SPNS3: variants seen among roughly 807,000 people sequenced by gnomAD.
SPNS3 encodes the protein SPNS lysolipid transporter 3, sphingosine-1-phosphate (putative), also known as protein spinster homolog 3.
In SPNS3, 51 loss-of-function variants were observed where a neutral mutation model predicts 54.4. The observed-to-expected ratio is 0.94, with a 90% CI of 0.75 to 1.18. The LOEUF is 1.18. Among genes scored for constraint, SPNS3 ranks in the 50% most tolerant of loss-of-function variants. The pLI, the probability that SPNS3 is intolerant of heterozygous loss-of-function variation, is 0.00. For missense variants in SPNS3, 669 were observed against 677.4 expected (o/e 0.99, Z 0.14); for synonymous variants, 309 against 294.7 (o/e 1.05, Z -0.50).
intron 7 of SPNS3, among the ~76,000 whole-genome samples, chr17:4,451,760 C>T (rs944554558): frequency 6.6e-5 from 10 of 151,448 alleles, no homozygotes; most frequent in East Asian, 2.0e-4. Flanking sequence ...CTCCACCTCC[C>T]GGATTCAAGT....
intron 8 of SPNS3, among the ~76,000 whole-genome samples, chr17:4,476,825 A>G (rs1477488373): frequency 6.6e-6 from 1 of 152,152 alleles, no homozygotes. Context: ...AGGAGAGCGC[A>G]TGGCTGCTGG....
chr17:4,473,382 C>T (rs918391837), intron 8 of SPNS3, among the ~76,000 whole-genome samples: 3 of 149,488 alleles, frequency 2.0e-5, no homozygotes, highest in Admixed American at 6.7e-5. Flanking sequence ...GAGGACACTG[C>T]TCTTCCCAGT....
intron 9 of SPNS3, 79 bp downstream of exon 9, chr17:4,478,716 A>T: frequency 2.1e-6 from 3 of 1,417,436 alleles, no homozygotes; most frequent in Non-Finnish European, 2.9e-6. Context: ...GCAGCTGGGC[A>T]CTGGCGGCGA....
At chr17:4,460,813 T>C (rs1189879312) in intron 8 of SPNS3, among the ~76,000 whole-genome samples, 6 of 152,174 alleles carry the variant, frequency 3.9e-5, no homozygotes, top group Non-Finnish European at 7.3e-5. Context: ...GATATTGGTC[T>C]GCAGTTTTCT....
intron 8 of SPNS3, among the ~76,000 whole-genome samples, chr17:4,458,573 CTTTCTTCCTTCCCTCCTTTCTTTCTTT>C: frequency 8.8e-6 from 1 of 113,412 alleles, no homozygotes; most frequent in African/African-American, 2.9e-5. Flanking sequence ...TCCCTCCTTT[CTTTCTTCCTTCCCTCCTTTCTTTCTTT>C]CTTTCTTTCT....
intron 9 of SPNS3, among the ~76,000 whole-genome samples, chr17:4,485,627 C>T (rs528883030): frequency 6.6e-6 from 1 of 152,298 alleles, no homozygotes; most frequent in East Asian, 1.9e-4. Context: ...ACCTCCTGAC[C>T]TCGGGTGATC....
At chr17:4,444,998 G>T (rs756442899) in intron 2 of SPNS3, 34 bp from the exon 3 acceptor site, 1 of 1,601,992 alleles carries the variant, frequency 6.2e-7, no homozygotes, top group Admixed American at 1.7e-5. Context: ...ACGGTCGTGG[G>T]GGGATCCAGG....
At chr17:4,468,545 T>G (rs1971747066) in intron 8 of SPNS3, among the ~76,000 whole-genome samples, 2 of 145,124 alleles carry the variant, frequency 1.4e-5, no homozygotes, top group Non-Finnish European at 1.5e-5. Context: ...TAGAAGCATA[T>G]GGAGTTGCCA....
At chr17:4,441,084 AG>A (rs1470989668) in intron 2 of SPNS3, among the ~76,000 whole-genome samples, 1 of 152,232 alleles carries the variant, frequency 6.6e-6, no homozygotes, top group Non-Finnish European at 1.5e-5. Flanking sequence ...TGTAGCTCCA[AG>A]AGTTTGGATG....
chr17:4,468,759 TTCTCTC>T (rs1342496703), intron 8 of SPNS3, among the ~76,000 whole-genome samples: 1 of 143,684 alleles, frequency 7.0e-6, no homozygotes, highest in African/African-American at 2.8e-5. Flanking sequence ...CTTTCTTTCT[TTCTCTC>T]TTTCTTTTTC....
intron 8 of SPNS3, among the ~76,000 whole-genome samples, chr17:4,456,405 C>T (rs896709660): frequency 6.6e-6 from 1 of 152,254 alleles, no homozygotes; most frequent in Non-Finnish European, 1.5e-5. Context: ...TTGTTCTCAG[C>T]CTTGGGTCTC....
chr17:4,441,797 G>T (rs1407167485), intron 2 of SPNS3, among the ~76,000 whole-genome samples: 5 of 135,186 alleles, frequency 3.7e-5, no homozygotes, highest in African/African-American at 1.4e-4. Context: ...GTGGGGGTGT[G>T]TTGGGGGGGG....
chr17:4,479,781 G>A (rs1224843113), intron 9 of SPNS3, among the ~76,000 whole-genome samples: 1 of 152,220 alleles, frequency 6.6e-6, no homozygotes, highest in Non-Finnish European at 1.5e-5. Context: ...TGGGCTGTGT[G>A]GCCTTAGGCA....
chr17:4,447,064 T>A, intron 5 of SPNS3, 102 bp downstream of exon 5: 2 of 1,172,286 alleles, frequency 1.7e-6, no homozygotes, highest in Non-Finnish European at 2.4e-6. Flanking sequence ...CCCGGCGCCA[T>A]TAGGGGGACG....
At chr17:4,456,123 TG>T (rs1290194634) in intron 8 of SPNS3, among the ~76,000 whole-genome samples, 5 of 152,084 alleles carry the variant, frequency 3.3e-5, no homozygotes, top group Admixed American at 1.3e-4. Context: ...GGCTAATTTT[TG>T]TATTTTTAGT....
chr17:4,457,992 T>TC (rs1235167980), intron 8 of SPNS3, among the ~76,000 whole-genome samples: 1 of 152,068 alleles, frequency 6.6e-6, no homozygotes, highest in African/African-American at 2.4e-5. Flanking sequence ...ACTCTAACCC[T>TC]CAGAGGTGAT....
intron 8 of SPNS3, among the ~76,000 whole-genome samples, chr17:4,455,838 G>C (rs1027927120): frequency 3.3e-5 from 5 of 152,160 alleles, no homozygotes; most frequent in Non-Finnish European, 5.9e-5. Flanking sequence ...GGCTGTCCTG[G>C]TATAGGAGGC....
At chr17:4,435,454 TAA>T (rs1203114569) in intron 1 of SPNS3, among the ~76,000 whole-genome samples, 1 of 106,780 alleles carries the variant, frequency 9.4e-6, no homozygotes, top group African/African-American at 3.2e-5. Context: ...AAAAAAAAAA[TAA>T]AAAATAAAAA....
intron 8 of SPNS3, among the ~76,000 whole-genome samples, chr17:4,470,117 CAG>C (rs1971816716): frequency 6.6e-6 from 1 of 151,954 alleles, no homozygotes; most frequent in African/African-American, 2.4e-5. Context: ...TTTTTAAAAA[CAG>C]ATTTATTGAG....
Sources: gnomAD v4.1 joint callset for allele counts (sites outside exome capture counted in the v4.1 genomes callset) on GRCh38, gnomAD v4.1.1 for gene constraint, MANE v1.5 for transcripts, NCBI Gene and HGNC (gene_info 2026-07-23, HGNC 2026-07-21) for gene names.